The following SV2C variants were observed in gnomAD, a reference collection of about 807,000 sequenced individuals.
The protein encoded by SV2C is synaptic vesicle glycoprotein 2C.
Under a neutral mutation model 79.7 loss-of-function variants are expected in SV2C, and 49 were observed. The observed-to-expected ratio is 0.61, with a 90% CI of 0.49 to 0.78. SV2C has a LOEUF of 0.78. Ranked by LOEUF, SV2C falls within the 30% of genes least tolerant of loss-of-function variation. SV2C has a pLI of 0.00. For synonymous variants in SV2C, 334 were observed against 333.2 expected, an observed-to-expected ratio of 1.00 and a Z score of -0.03; for missense variants, 833 against 912.9, an observed-to-expected ratio of 0.91 and a Z score of 1.13.
chr5:76,099,474 T>C (rs954688662), intron 1 of SV2C, among the ~76,000 whole-genome samples: 4 of 151,984 alleles, frequency 2.6e-5, no homozygotes, highest in Non-Finnish European at 4.4e-5. Context: ...TTAAATGCCT[T>C]CTCAGGGTTC....
intron 1 of SV2C, among the ~76,000 whole-genome samples, chr5:76,118,339 C>T (rs540437953): frequency 6.6e-6 from 1 of 152,246 alleles, no homozygotes; most frequent in East Asian, 1.9e-4. Context: ...GAATAATCTA[C>T]GATTATTTCA....
chr5:76,056,827 T>C, the SV2C span, among the ~76,000 whole-genome samples: 9,032 of 151,992 alleles, frequency 0.059, 875 homozygotes, highest in African/African-American at 0.2. Context: ...GATGGAAGTT[T>C]GTTTTTCTGT....
intron 3 of SV2C, among the ~76,000 whole-genome samples, chr5:76,201,024 C>G (rs543054869): frequency 5.3e-5 from 8 of 152,186 alleles, no homozygotes; most frequent in African/African-American, 1.9e-4. Flanking sequence ...TTCATCAAAC[C>G]AAGTCATGAG....
the SV2C span, among the ~76,000 whole-genome samples, chr5:75,917,086 A>T: frequency 6.6e-6 from 1 of 151,984 alleles, no homozygotes; most frequent in African/African-American, 2.4e-5. Flanking sequence ...TTCCTTCCCT[A>T]TCTCCCTTCC....
At chr5:76,029,806 C>T in the SV2C span, among the ~76,000 whole-genome samples, 3,710 of 152,208 alleles carry the variant, frequency 0.024, 160 homozygotes, top group African/African-American at 0.084. Context: ...TTTACCGTGG[C>T]GATGTTTACT....
At chr5:75,947,783 C>T in the SV2C span, among the ~76,000 whole-genome samples, 2 of 151,942 alleles carry the variant, frequency 1.3e-5, no homozygotes, top group Non-Finnish European at 2.9e-5. Flanking sequence ...CTTTGAACTT[C>T]TTCTTACAAA....
the SV2C span, among the ~76,000 whole-genome samples, chr5:76,045,353 T>C: frequency 6.6e-6 from 1 of 152,200 alleles, no homozygotes; most frequent in Admixed American, 6.5e-5. Context: ...GCATGATGCC[T>C]CTAGCTTTGT....
At chr5:76,248,164 A>C (rs1746003239) in intron 4 of SV2C, among the ~76,000 whole-genome samples, 1 of 152,226 alleles carries the variant, frequency 6.6e-6, no homozygotes, top group African/African-American at 2.4e-5. Flanking sequence ...AGAACCCCTC[A>C]AATGCATAGC....
At chr5:76,167,791 G>A (rs532253521) in intron 2 of SV2C, among the ~76,000 whole-genome samples, 49 of 152,152 alleles carry the variant, frequency 3.2e-4, no homozygotes, top group Non-Finnish European at 5.0e-4. Flanking sequence ...CCAGGAACCC[G>A]AATCCAAATC....
intron 4 of SV2C, among the ~76,000 whole-genome samples, chr5:76,240,663 C>T (rs1745756854): frequency 6.6e-6 from 1 of 152,096 alleles, no homozygotes. Flanking sequence ...TCCTCCTTTC[C>T]TCTCTCAGTC....
chr5:76,011,942 AT>A, the SV2C span, among the ~76,000 whole-genome samples: 5 of 151,868 alleles, frequency 3.3e-5, no homozygotes, highest in African/African-American at 4.8e-5. Context: ...ACGTGAACTC[AT>A]TTTTTTTATG....
the SV2C span, among the ~76,000 whole-genome samples, chr5:76,038,478 A>T: frequency 6.6e-6 from 1 of 152,182 alleles, no homozygotes; most frequent in Non-Finnish European, 1.5e-5. Context: ...CTTGGTTCCA[A>T]AACCTAGAAA....
chr5:76,151,609 G>A (rs1216401734), intron 2 of SV2C, among the ~76,000 whole-genome samples: 1 of 152,202 alleles, frequency 6.6e-6, no homozygotes, highest in Non-Finnish European at 1.5e-5. Context: ...AGCTATGGGT[G>A]CAGGGAGGAG....
At chr5:75,878,600 C>A in the SV2C span, among the ~76,000 whole-genome samples, 1 of 152,092 alleles carries the variant, frequency 6.6e-6, no homozygotes, top group East Asian at 1.9e-4. Context: ...ACCCTTTACC[C>A]AATCTGTCAT....
At chr5:75,964,758 CTG>C in the SV2C span, among the ~76,000 whole-genome samples, 1 of 152,216 alleles carries the variant, frequency 6.6e-6, no homozygotes, top group Non-Finnish European at 1.5e-5. Context: ...TTCTCATTCT[CTG>C]TATTACTATG....
At chr5:76,261,370 C>T (rs1041418378) in intron 4 of SV2C, among the ~76,000 whole-genome samples, 3 of 152,142 alleles carry the variant, frequency 2.0e-5, no homozygotes, top group South Asian at 2.1e-4. Context: ...TCTAAATATA[C>T]AAACATGTCA....
intron 12 of SV2C, among the ~76,000 whole-genome samples, chr5:76,324,804 TATC>T (rs932932507): frequency 6.6e-6 from 1 of 152,078 alleles, no homozygotes; most frequent in Non-Finnish European, 1.5e-5. Context: ...TGCAGTGAGT[TATC>T]ATTGTACCAG....
At chr5:76,203,433 A>T (rs1368965326) in intron 3 of SV2C, among the ~76,000 whole-genome samples, 1 of 152,258 alleles carries the variant, frequency 6.6e-6, no homozygotes, top group Non-Finnish European at 1.5e-5. Context: ...ATTATAGAAC[A>T]TCATAATGAT....
chr5:76,252,238 G>A (rs541457322), intron 4 of SV2C, among the ~76,000 whole-genome samples: 1 of 152,242 alleles, frequency 6.6e-6, no homozygotes, highest in South Asian at 2.1e-4. Context: ...TTCTGCCTCA[G>A]CCTCCCAAGT....
Sources: gnomAD v4.1 joint callset for allele counts (sites outside exome capture counted in the v4.1 genomes callset) on GRCh38, gnomAD v4.1.1 for gene constraint, MANE v1.5 for transcripts, NCBI Gene and HGNC (gene_info 2026-07-23, HGNC 2026-07-21) for gene names.